Variants in PDE4B observed in about 807,000 individuals in gnomAD.
The protein encoded by PDE4B is phosphodiesterase 4B.
Under a neutral mutation model 82.2 loss-of-function variants are expected in PDE4B, and 20 were observed. That is an observed-to-expected ratio of 0.24 (90% CI 0.17 to 0.35). The LOEUF is 0.35. Ranked by LOEUF, PDE4B falls within the 10% of genes least tolerant of loss-of-function variation. The pLI, the probability that PDE4B is intolerant of heterozygous loss-of-function variation, is 1.00. For synonymous variants in PDE4B, 320 were observed against 318.9 expected (o/e 1.00, Z -0.04); for missense variants, 655 against 907.2 (o/e 0.72, Z 3.57).
chr1:66,050,355 T>C (rs531603561), intron 3 of PDE4B, among the ~76,000 whole-genome samples: 5 of 152,194 alleles, frequency 3.3e-5, no homozygotes, highest in African/African-American at 9.6e-5. Context: ...TTAGCAGAAA[T>C]AGAATTTGGG....
At chr1:66,132,088 G>A (rs1016247431) in intron 3 of PDE4B, among the ~76,000 whole-genome samples, 1 of 152,096 alleles carries the variant, frequency 6.6e-6, no homozygotes, top group Non-Finnish European at 1.5e-5. Context: ...AAGAGAATTT[G>A]GATTTTATTC....
chr1:66,307,865 A>G (rs1052684871), intron 7 of PDE4B, among the ~76,000 whole-genome samples: 11 of 152,082 alleles, frequency 7.2e-5, no homozygotes, highest in African/African-American at 2.7e-4. Context: ...GACTGGGCAA[A>G]TGTCTGCTTG....
At chr1:65,884,640 G>C (rs1571066671) in intron 1 of PDE4B, among the ~76,000 whole-genome samples, 1 of 152,142 alleles carries the variant, frequency 6.6e-6, no homozygotes, top group Non-Finnish European at 1.5e-5. Flanking sequence ...ATGGTGCTGG[G>C]AAAACTGGCT....
chr1:66,308,691 G>A (rs774395719), intron 7 of PDE4B, among the ~76,000 whole-genome samples: 19 of 152,104 alleles, frequency 1.2e-4, no homozygotes, highest in Non-Finnish European at 2.2e-4. Flanking sequence ...AGTTGTTCCA[G>A]TAGATTTAAC....
chr1:66,371,094 C>CTATATATATATATA lies in PDE4B; in HGVS notation c.1846-1192_1846-1179dup, dbSNP rs557320202. On this transcript the variant is annotated intron_variant, in intron 16 of 16. Transcript: ENST00000341517. ...TATATATATATACACACACATCATA[C>CTATATATATATATA]TATATATATATATATATATATATAT... 1.3e-3 allele frequency among the ~76,000 whole-genome samples: 97 copies of CTATATATATATATA among 74,810 alleles called. 1 individual carries two copies. The highest frequency in any genetic ancestry group is 8.7e-3 in the East Asian group (11 of 1,264). The allele number at this position is 74,810 out of a possible 152,430, so 49.1% of individuals were successfully genotyped here.
chr1:66,078,237 C>G (rs1656531804), intron 3 of PDE4B, among the ~76,000 whole-genome samples: 1 of 151,154 alleles, frequency 6.6e-6, no homozygotes, highest in Admixed American at 6.6e-5. Context: ...TGCTCTGCTA[C>G]CCAGGCTGGA....
intron 3 of PDE4B, among the ~76,000 whole-genome samples, chr1:65,981,229 C>A (rs143555498): frequency 2.0e-3 from 301 of 152,200 alleles, no homozygotes; most frequent in Admixed American, 4.3e-3. Context: ...CAAATAAATT[C>A]TTTTTGACAT....
intron 1 of PDE4B, among the ~76,000 whole-genome samples, chr1:65,902,893 T>C (rs1476469731): frequency 1.3e-5 from 2 of 152,172 alleles, no homozygotes; most frequent in Non-Finnish European, 2.9e-5. Flanking sequence ...CCCTTTAATT[T>C]AGAGTCTGCA....
At chr1:65,838,039 A>T (rs1479058504) in intron 1 of PDE4B, among the ~76,000 whole-genome samples, 1 of 152,234 alleles carries the variant, frequency 6.6e-6, no homozygotes, top group Admixed American at 6.5e-5. Context: ...GATATAAAAC[A>T]TCATTGCAAA....
intron 1 of PDE4B, among the ~76,000 whole-genome samples, chr1:65,833,154 T>A (rs1646101665): frequency 6.6e-6 from 1 of 152,222 alleles, no homozygotes; most frequent in African/African-American, 2.4e-5. Context: ...CAAAGATGTA[T>A]GTCATTGTAA....
intron 3 of PDE4B, among the ~76,000 whole-genome samples, chr1:66,164,220 C>T (rs1646673840): frequency 6.6e-6 from 1 of 152,028 alleles, no homozygotes; most frequent in African/African-American, 2.4e-5. Flanking sequence ...ATTACTACTA[C>T]TGGTGGTTCA....
At chr1:65,838,541 G>GTATATATGTA (rs929589921) in intron 1 of PDE4B, among the ~76,000 whole-genome samples, 2 of 138,874 alleles carry the variant, frequency 1.4e-5, no homozygotes, top group African/African-American at 5.1e-5. Context: ...ATATGTATGT[G>GTATATATGTA]TATATATGTA....
At chr1:66,113,699 A>T (rs530913980) in intron 3 of PDE4B, among the ~76,000 whole-genome samples, 1 of 152,348 alleles carries the variant, frequency 6.6e-6, no homozygotes, top group South Asian at 2.1e-4. Flanking sequence ...ATATGCAAAG[A>T]TATATTTACT....
intron 3 of PDE4B, among the ~76,000 whole-genome samples, chr1:66,179,761 G>A (rs79279009): frequency 0.013 from 2,002 of 152,298 alleles, 24 homozygotes; most frequent in Non-Finnish European, 0.022. Flanking sequence ...GACTGACATG[G>A]TAGATTGTAC....
intron 3 of PDE4B, among the ~76,000 whole-genome samples, chr1:66,190,443 A>C (rs1647672294): frequency 6.6e-6 from 1 of 152,232 alleles, no homozygotes; most frequent in African/African-American, 2.4e-5. Flanking sequence ...TGGAGTCTAC[A>C]GAGGCAGGCA....
chr1:66,085,159 A>G (rs770474849), intron 3 of PDE4B, among the ~76,000 whole-genome samples: 8 of 152,144 alleles, frequency 5.3e-5, no homozygotes, highest in Non-Finnish European at 1.0e-4. Context: ...CCTGTGCCCT[A>G]CCCAGGACCT....
At chr1:65,965,252 C>CA (rs951244542) in intron 3 of PDE4B, among the ~76,000 whole-genome samples, 4 of 151,920 alleles carry the variant, frequency 2.6e-5, no homozygotes, top group Non-Finnish European at 5.9e-5. Flanking sequence ...TTCCTCCCCC[C>CA]CCCATGGAAA....
intron 3 of PDE4B, among the ~76,000 whole-genome samples, chr1:66,051,611 A>G (rs941363471): frequency 4.6e-5 from 7 of 152,134 alleles, no homozygotes; most frequent in Non-Finnish European, 8.8e-5. Context: ...TAAATATATA[A>G]TTAGATGACA....
chr1:66,026,401 T>G (rs1653434890), intron 3 of PDE4B, among the ~76,000 whole-genome samples: 1 of 152,160 alleles, frequency 6.6e-6, no homozygotes, highest in African/African-American at 2.4e-5. Flanking sequence ...CCTAATTAGG[T>G]GAGGCTGTAT....
Sources: allele counts gnomAD v4.1 joint callset (sites outside exome capture counted in the v4.1 genomes callset), GRCh38; gene constraint gnomAD v4.1.1; transcripts MANE v1.5; gene names NCBI Gene and HGNC (gene_info 2026-07-23, HGNC 2026-07-21).